The following GRID1 variants were observed in gnomAD, a reference collection of about 807,000 sequenced individuals.
GRID1 encodes glutamate ionotropic receptor delta type subunit 1, also known as glutamate receptor ionotropic, delta-1.
In GRID1, 28 loss-of-function variants were observed where a neutral mutation model predicts 98.0. That is an observed-to-expected ratio of 0.29 (90% CI 0.21 to 0.39). The LOEUF (loss-of-function observed/expected upper bound fraction) is 0.39. Ranked by LOEUF, GRID1 falls within the 10% of genes least tolerant of loss-of-function variation. The pLI, the probability that GRID1 is intolerant of heterozygous loss-of-function variation, is 1.00. For synonymous variants in GRID1, 553 were observed against 538.5 expected (o/e 1.03, Z -0.37); for missense variants, 1,111 against 1,340.5 (o/e 0.83, Z 2.67).
At chr10:85,877,663 G>A (rs1453034240) in intron 5 of GRID1, among the ~76,000 whole-genome samples, 1 of 150,848 alleles carries the variant, frequency 6.6e-6, no homozygotes, top group Non-Finnish European at 1.5e-5. Context: ...AAACCACAAA[G>A]ATGGGGAAAA....
intron 8 of GRID1, among the ~76,000 whole-genome samples, chr10:85,839,007 A>G (rs1258130323): frequency 1.3e-5 from 2 of 152,246 alleles, no homozygotes; most frequent in Admixed American, 6.5e-5. Flanking sequence ...TGTCTCTGAC[A>G]AAACAGACTT....
chr10:85,946,044 A>G (rs543027405), intron 4 of GRID1, among the ~76,000 whole-genome samples: 3 of 152,260 alleles, frequency 2.0e-5, no homozygotes, highest in African/African-American at 7.2e-5. Flanking sequence ...GTAGCATTCA[A>G]TTGACATTAT....
intron 2 of GRID1, among the ~76,000 whole-genome samples, chr10:86,279,576 G>A (rs1417551807): frequency 6.6e-6 from 1 of 152,106 alleles, no homozygotes; most frequent in Non-Finnish European, 1.5e-5. Context: ...AAAATTCTCA[G>A]CAAACTAGGC....
intron 2 of GRID1, among the ~76,000 whole-genome samples, chr10:86,332,672 A>G (rs1218942736): frequency 6.6e-6 from 1 of 152,062 alleles, no homozygotes; most frequent in Non-Finnish European, 1.5e-5. Flanking sequence ...TGACTCCCGA[A>G]GTGATGCCTC....
rs117600435 is a variant in GRID1 at position 86,072,775 on chromosome 10, C to G, written c.726+66044G>C. Among the ~76,000 whole-genome samples the G allele has an allele frequency of 1.5e-3, 224 of 152,362 alleles. 2 individuals are homozygous for G. In the Middle Eastern group the frequency reaches 0.017, roughly 12 times the overall value. On this transcript the variant is annotated intron_variant, in intron 4 of 15. Coordinates refer to ENST00000327946, the MANE Select transcript of GRID1 (RefSeq NM_017551.3). Reference sequence around the variant, plus strand: ...CTACACCAAGGAGATAGTATAGGGCCTTTGCTAGTGTACAAAAACAAGTGG... The same window carrying G: ...CTACACCAAGGAGATAGTATAGGGCGTTTGCTAGTGTACAAAAACAAGTGG...
intron 4 of GRID1, among the ~76,000 whole-genome samples, chr10:86,028,229 C>A (rs1276013146): frequency 6.6e-6 from 1 of 152,172 alleles, no homozygotes; most frequent in African/African-American, 2.4e-5. Context: ...GTGTGCTGCC[C>A]CACCAAACTG....
At chr10:86,103,793 C>T (rs1482222942) in intron 4 of GRID1, among the ~76,000 whole-genome samples, 1 of 151,708 alleles carries the variant, frequency 6.6e-6, no homozygotes, top group African/African-American at 2.4e-5. Context: ...GCCCACCTCC[C>T]CTGGCCCAAC....
At position 86,366,446 on chromosome 10, in the gene GRID1, C is replaced by T. The variant is rs1022441001; in HGVS notation, c.-54G>A. ...GGGCCCGGGGCGAGGCCGAGGGCAG[C>T]GCGAAGCGGGGAGGCGCTGGTCCCG... is the stretch of plus-strand genomic sequence containing the variant. On this transcript the variant is annotated 5_prime_UTR_variant, in exon 1 of 16. Transcript: ENST00000327946. The surrounding 1 kb of genome is among the most constrained non-coding windows in gnomAD (Gnocchi z 4.1). 18 of 1,326,310 alleles carry T rather than the reference C, an allele frequency of 1.4e-5. No individual in the cohort carries two copies. The highest frequency in any genetic ancestry group is 1.8e-5 in the Non-Finnish European group (18 of 990,400). 82.2% of individuals were successfully genotyped at this position (1,326,310 alleles called of 1,614,324 possible). A position where few individuals can be genotyped will look rare whatever the true frequency, so the allele number is the denominator to read the frequency against.
intron 2 of GRID1, among the ~76,000 whole-genome samples, chr10:86,295,902 G>T (rs931130330): frequency 6.6e-6 from 1 of 152,242 alleles, no homozygotes; most frequent in Non-Finnish European, 1.5e-5. Flanking sequence ...GCACTGTGGA[G>T]GGGCAGTTCC....
chr10:86,018,645 T>C (rs1843009390), intron 4 of GRID1, among the ~76,000 whole-genome samples: 1 of 152,172 alleles, frequency 6.6e-6, no homozygotes, highest in African/African-American at 2.4e-5. Flanking sequence ...TGAGTGCCTC[T>C]GGAGACTACC....
At chr10:86,021,740 C>T (rs897117068) in intron 4 of GRID1, among the ~76,000 whole-genome samples, 1 of 152,098 alleles carries the variant, frequency 6.6e-6, no homozygotes, top group Non-Finnish European at 1.5e-5. Flanking sequence ...TGGTTTAAAC[C>T]TGCAAAATTT....
At chr10:85,753,493 G>T (rs1049392787) in intron 8 of GRID1, among the ~76,000 whole-genome samples, 26 of 152,196 alleles carry the variant, frequency 1.7e-4, no homozygotes, top group African/African-American at 6.0e-4. Flanking sequence ...CCCACTCCCT[G>T]TGTCTTCCTA....
intron 4 of GRID1, among the ~76,000 whole-genome samples, chr10:85,964,298 T>C (rs1842308983): frequency 6.6e-6 from 1 of 151,932 alleles, no homozygotes; most frequent in Non-Finnish European, 1.5e-5. Context: ...AAAAATAAAT[T>C]TCATATGGAA....
rs115005650 is a variant in GRID1 at position 85,764,419 on chromosome 10, A to G, written c.1234-34805T>C. 3.5e-3 allele frequency among the ~76,000 whole-genome samples: 528 copies of G among 152,328 alleles called. 5 individuals carry two copies. Among genetic ancestry groups the G allele is most frequent in the African/African-American group, 0.012 (509 of 41,572 alleles). The stretch of plus-strand genomic sequence containing the variant: ...GGTAGCATTCACAAGTCCTCAGTGA[A>G]GCCCAAAGTGGGCAGAGAGAGTAAG... On this transcript the variant is annotated intron_variant, in intron 8 of 15. Coordinates refer to ENST00000327946, the MANE Select transcript of GRID1 (RefSeq NM_017551.3).
intron 2 of GRID1, among the ~76,000 whole-genome samples, chr10:86,256,562 C>T (rs1043300597): frequency 6.6e-6 from 1 of 151,424 alleles, no homozygotes; most frequent in African/African-American, 2.4e-5. Flanking sequence ...GACAGAGAAG[C>T]TCTCTCTCTC....
rs1841630148 is a variant in GRID1, at chr10:85,916,994, C to G, written c.727-755G>C. Among the ~76,000 whole-genome samples the G allele has an allele frequency of 6.6e-6, 1 of 152,226 alleles. No homozygotes were observed. Among genetic ancestry groups the G allele is most frequent in the African/African-American group, 2.4e-5 (1 of 41,462 alleles). On this transcript the variant is annotated intron_variant, in intron 4 of 15. Transcript: ENST00000327946. This position sits in a 1 kb window ranked among gnomAD's most constrained non-coding sequence, Gnocchi z 4.0. The stretch of plus-strand genomic sequence containing the variant: ...TAACCAGCACACAGCAGGTATTCAG[C>G]AAACATTGTTGATTATGCAAATGAA...
chr10:85,758,061 G>A (rs1009390347), intron 8 of GRID1, among the ~76,000 whole-genome samples: 1 of 152,178 alleles, frequency 6.6e-6, no homozygotes, highest in Non-Finnish European at 1.5e-5. Flanking sequence ...AGTAGAGCAT[G>A]GTGGTTAGAG....
intron 2 of GRID1, among the ~76,000 whole-genome samples, chr10:86,269,702 C>T (rs1275385686): frequency 6.6e-6 from 1 of 152,204 alleles, no homozygotes; most frequent in Non-Finnish European, 1.5e-5. Context: ...AGTCTCAATT[C>T]CCAAGCTGGA....
intron 5 of GRID1, among the ~76,000 whole-genome samples, chr10:85,873,419 A>G (rs573673151): frequency 6.6e-6 from 1 of 152,360 alleles, no homozygotes; most frequent in South Asian, 2.1e-4. Flanking sequence ...ATGCTCACTG[A>G]GTGCACGGGC....
Sources: gnomAD v4.1 joint callset for allele counts (sites outside exome capture counted in the v4.1 genomes callset) on GRCh38, gnomAD v4.1.1 for gene constraint, Gnocchi (gnomAD v3.1) non-coding constraint, MANE v1.5 for transcripts, NCBI Gene and HGNC (gene_info 2026-07-23, HGNC 2026-07-21) for gene names.